Variants in KIRREL3 observed in about 807,000 individuals in gnomAD.
KIRREL3 encodes the protein kirre like nephrin family adhesion molecule 3.
A neutral mutation model predicts 89.7 loss-of-function variants in KIRREL3; 36 were observed. The ratio of observed to expected loss-of-function variants is 0.40; its 90% confidence interval spans 0.31 to 0.53. The LOEUF is 0.53. Ranked by LOEUF, KIRREL3 falls within the 20% of genes least tolerant of loss-of-function variation. The pLI is 0.49. For synonymous variants in KIRREL3, 445 were observed against 441.4 expected (o/e 1.01, Z -0.10); for missense variants, 864 against 1,056.6 (o/e 0.82, Z 2.53).
Position 126,890,474 on chromosome 11 carries a change from C to T in KIRREL3, c.55+109981G>A, listed in dbSNP as rs1178361479. ...CGTGCTGGTCTGGCACTCTAATTGT[C>T]CAATCTGCTGCTCAATTTTCAACAG... On this transcript the variant is annotated intron_variant, in intron 1 of 16. Coordinates refer to ENST00000525144, the MANE Select transcript of KIRREL3 (RefSeq NM_032531.4). The surrounding 1 kb of genome is among the most constrained non-coding windows in gnomAD (Gnocchi z 5.1). 6.6e-6 allele frequency among the ~76,000 whole-genome samples: 1 copy of T among 152,188 alleles called. No individual in the cohort carries two copies. The highest frequency in any genetic ancestry group is 2.4e-5 in the African/African-American group (1 of 41,440).
At chr11:126,674,039 G>A (rs1946077154) in intron 1 of KIRREL3, among the ~76,000 whole-genome samples, 2 of 152,288 alleles carry the variant, frequency 1.3e-5, no homozygotes, top group Admixed American at 6.5e-5. Flanking sequence ...TGTCTTCACC[G>A]GACATTTGCA....
chr11:126,450,854 TG>T (rs1166217131), intron 7 of KIRREL3, among the ~76,000 whole-genome samples: 1 of 151,170 alleles, frequency 6.6e-6, no homozygotes, highest in Non-Finnish European at 1.5e-5. Flanking sequence ...TGTGTGAGCA[TG>T]TGCACGTGTG....
rs1009790784 is a variant in KIRREL3 at position 126,477,441 on chromosome 11, T to C, written c.434-3975A>G. ...TGGGGTCTCGGGTGGACAGGTGGCA[T>C]GGGGAGAGGGAAATTGAGGCCAGAG... On this transcript the variant is annotated intron_variant, in intron 4 of 16. Coordinates refer to ENST00000525144, the MANE Select transcript of KIRREL3 (RefSeq NM_032531.4). The surrounding 1 kb of genome is among the most constrained non-coding windows in gnomAD (Gnocchi z 4.8). Among the ~76,000 whole-genome samples, 1 of 152,050 alleles carries C rather than the reference T, an allele frequency of 6.6e-6. No individual in the cohort carries two copies. The highest frequency in any genetic ancestry group is 2.4e-5 in the African/African-American group (1 of 41,418).
At position 126,729,203 on chromosome 11, in the gene KIRREL3, AAG is replaced by A. The variant is rs1345380553; in HGVS notation, c.56-166293_56-166292del. The stretch of plus-strand genomic sequence containing the variant: ...TGAAGAGTGAGTCTAAGAGGTCATG[AAG>A]AAGGACAGACCCAGTAGACTGTGGC... On this transcript the variant is annotated intron_variant, in intron 1 of 16. Transcript: ENST00000525144. This position sits in a 1 kb window ranked among gnomAD's most constrained non-coding sequence, Gnocchi z 4.5. Among the ~76,000 whole-genome samples, 2 of 152,232 alleles carry A rather than the reference AAG, an allele frequency of 1.3e-5. No individual in the cohort carries two copies. Among genetic ancestry groups the A allele is most frequent in the Non-Finnish European group, 2.9e-5 (2 of 68,042 alleles).
upstream of KIRREL3, chr11:127,002,883 G>A (rs1219332336): frequency 6.6e-6 from 1 of 152,180 alleles, no homozygotes; most frequent in Non-Finnish European, 1.5e-5. Context: ...TCAGGCACAC[G>A]TACAGGTGTC....
At chr11:126,869,276 C>A (rs1565369201) in intron 1 of KIRREL3, among the ~76,000 whole-genome samples, 1 of 151,734 alleles carries the variant, frequency 6.6e-6, no homozygotes, top group Non-Finnish European at 1.5e-5. Context: ...GGCTTCCTTG[C>A]CCCTTGGTGG....
At chr11:126,854,126 T>TGTGTGTG (rs1944430958) in intron 1 of KIRREL3, among the ~76,000 whole-genome samples, 2 of 143,922 alleles carry the variant, frequency 1.4e-5, no homozygotes, top group Non-Finnish European at 3.0e-5. Context: ...AATAAGTTTC[T>TGTGTGTG]TGTGTGTGTG....
intron 2 of KIRREL3, among the ~76,000 whole-genome samples, chr11:126,540,825 C>T (rs1938308438): frequency 6.6e-6 from 1 of 152,186 alleles, no homozygotes; most frequent in South Asian, 2.1e-4. Context: ...GAAGCAGAGA[C>T]CCTGGCTGTG....
rs915644298 is a variant in KIRREL3, at chr11:126,515,361, G to C, written c.433+5954C>G. Among the ~76,000 whole-genome samples, 2 of 152,162 alleles carry C rather than the reference G, an allele frequency of 1.3e-5. No homozygotes were observed. The highest frequency in any genetic ancestry group is 2.9e-5 in the Non-Finnish European group (2 of 68,028). On this transcript the variant is annotated intron_variant, in intron 4 of 16. Transcript: ENST00000525144. The surrounding 1 kb of genome is among the most constrained non-coding windows in gnomAD (Gnocchi z 4.2). ...GCTACTCGGGAGGCTGAGGTGGGAG[G>C]ATCGCTTGAGCCAGGGAGGTCGAGG...
rs1943302574 is a variant in KIRREL3, at chr11:126,615,426, T to C, written c.56-52514A>G. ...TATATTTATTACCCCACTCTACAGT[T>C]AAGGAAACCAGAGCTTTGGGAGGTT... On this transcript the variant is annotated intron_variant, in intron 1 of 16. Coordinates refer to ENST00000525144, the MANE Select transcript of KIRREL3 (RefSeq NM_032531.4). The surrounding 1 kb of genome is among the most constrained non-coding windows in gnomAD (Gnocchi z 5.4). Among the ~76,000 whole-genome samples the C allele has an allele frequency of 6.6e-6, 1 of 152,146 alleles. No homozygotes were observed. Among genetic ancestry groups the C allele is most frequent in the South Asian group, 2.1e-4 (1 of 4,820 alleles).
Position 126,441,579 on chromosome 11 carries a change from G to A in KIRREL3, c.1253-1030C>T. Among the ~76,000 whole-genome samples the A allele has an allele frequency of 6.6e-6, 1 of 152,216 alleles. No individual in the cohort carries two copies. The highest frequency in any genetic ancestry group is 1.9e-4 in the East Asian group (1 of 5,200). On this transcript the variant is annotated intron_variant, in intron 10 of 16. Coordinates refer to ENST00000525144, the MANE Select transcript of KIRREL3 (RefSeq NM_032531.4). This position sits in a 1 kb window ranked among gnomAD's most constrained non-coding sequence, Gnocchi z 5.0. ...CTGGGGTCACAGTTGGGACTTAGAT[G>A]GCAGATACCAGAGGAAAGACAGCCG... is the stretch of plus-strand genomic sequence containing the variant.
At chr11:126,446,088 T>A (rs1250394882) in intron 9 of KIRREL3, among the ~76,000 whole-genome samples, 1 of 137,238 alleles carries the variant, frequency 7.3e-6, no homozygotes, top group East Asian at 2.2e-4. Context: ...GCGGAGTTTG[T>A]GGTAAGCCAA....
In KIRREL3 at chr11:126,501,517, G is replaced by A. The variant is rs1172269992; in HGVS notation, c.433+19798C>T. Among the ~76,000 whole-genome samples, 8 of 152,094 alleles carry A rather than the reference G, an allele frequency of 5.3e-5. No homozygotes were observed. The highest frequency in any genetic ancestry group is 1.2e-4 in the Non-Finnish European group (8 of 67,994). On this transcript the variant is annotated intron_variant, in intron 4 of 16. Transcript: ENST00000525144. This position sits in a 1 kb window ranked among gnomAD's most constrained non-coding sequence, Gnocchi z 5.8. ...CCTGTTGATGTGCTACACATTGCAG[G>A]GAGCATTTTCATCCCAGGCGGTGCG...
At chr11:126,884,057 C>T in intron 1 of KIRREL3, among the ~76,000 whole-genome samples, 1 of 152,184 alleles carries the variant, frequency 6.6e-6, no homozygotes, top group East Asian at 1.9e-4. Flanking sequence ...AATCTTAACA[C>T]TCTATGAGGC....
intron 1 of KIRREL3, among the ~76,000 whole-genome samples, chr11:126,951,746 A>G (rs1031600950): frequency 1.4e-4 from 21 of 152,224 alleles, no homozygotes; most frequent in Non-Finnish European, 3.1e-4. Context: ...GCTGGAGCCA[A>G]GGTAACCAGA....
chr11:126,450,365 ATG>A (rs760181356), intron 7 of KIRREL3, among the ~76,000 whole-genome samples: 57 of 138,038 alleles, frequency 4.1e-4, no homozygotes, highest in African/African-American at 1.4e-3. Flanking sequence ...GCATGTGTGC[ATG>A]TGTGAGTGTG....
chr11:126,912,580 C>T lies in KIRREL3; in HGVS notation c.55+87875G>A, dbSNP rs1397134119. On this transcript the variant is annotated intron_variant, in intron 1 of 16. Transcript: ENST00000525144. This position sits in a 1 kb window ranked among gnomAD's most constrained non-coding sequence, Gnocchi z 4.7. ...ATGGAAATAACTCATCTTATCTATT[C>T]ATCTGGAATACGATCCTGATGAACA... 6.6e-6 allele frequency among the ~76,000 whole-genome samples: 1 copy of T among 152,216 alleles called. No individual in the cohort carries two copies. Among genetic ancestry groups the T allele is most frequent in the Non-Finnish European group, 1.5e-5 (1 of 68,040 alleles).
rs1949726141 is a variant in KIRREL3 at position 126,763,488 on chromosome 11, C to A, written c.56-200576G>T. ...TAAAAAGGGGACTGATGGTGGGGTC[C>A]TTCTTTTGAGAATTCTAGTCTCTCT... On this transcript the variant is annotated intron_variant, in intron 1 of 16. Coordinates refer to ENST00000525144, the MANE Select transcript of KIRREL3 (RefSeq NM_032531.4). The surrounding 1 kb of genome is among the most constrained non-coding windows in gnomAD (Gnocchi z 4.7). Among the ~76,000 whole-genome samples the A allele has an allele frequency of 6.6e-6, 1 of 152,096 alleles. No homozygotes were observed. The highest frequency in any genetic ancestry group is 6.5e-5 in the Admixed American group (1 of 15,272).
At chr11:126,929,910 G>A (rs1162628664) in intron 1 of KIRREL3, among the ~76,000 whole-genome samples, 1 of 151,002 alleles carries the variant, frequency 6.6e-6, no homozygotes, top group Non-Finnish European at 1.5e-5. Flanking sequence ...GAGGTGAAAT[G>A]AGAGCTCATA....
Sources: gnomAD v4.1 joint callset for allele counts (sites outside exome capture counted in the v4.1 genomes callset) on GRCh38, gnomAD v4.1.1 for gene constraint, Gnocchi (gnomAD v3.1) non-coding constraint, MANE v1.5 for transcripts, NCBI Gene and HGNC (gene_info 2026-07-23, HGNC 2026-07-21) for gene names.